DPF3: variants seen among roughly 807,000 people sequenced by gnomAD.
DPF3 encodes the protein zinc finger protein DPF3.
A neutral mutation model predicts 56.8 loss-of-function variants in DPF3; 18 were observed. The observed-to-expected ratio is 0.32, with a 90% CI of 0.22 to 0.47. The LOEUF is 0.47. Among genes scored for constraint, DPF3 ranks in the 20% least tolerant of loss-of-function variants. DPF3 has a pLI of 1.00. For synonymous variants in DPF3, 188 were observed against 180.2 expected, an observed-to-expected ratio of 1.04 and a Z score of -0.35; for missense variants, 403 against 488.8, an observed-to-expected ratio of 0.82 and a Z score of 1.65.
intron 2 of DPF3, among the ~76,000 whole-genome samples, chr14:72,769,055 C>T (rs1181145555): frequency 1.3e-5 from 2 of 151,218 alleles, no homozygotes; most frequent in Non-Finnish European, 2.9e-5. Context: ...AATTAAGATA[C>T]TTAAGTAAAA....
chr14:72,876,547 C>T (rs1599518224), intron 1 of DPF3, among the ~76,000 whole-genome samples: 1 of 152,204 alleles, frequency 6.6e-6, no homozygotes, highest in African/African-American at 2.4e-5. Context: ...CCCCCACCTA[C>T]TCCCAACCAG....
chr14:72,889,721 G>A (rs1247085341), intron 1 of DPF3, among the ~76,000 whole-genome samples: 1 of 152,188 alleles, frequency 6.6e-6, no homozygotes, highest in Non-Finnish European at 1.5e-5. Context: ...TGCACAAAGA[G>A]ATCTAGATTT....
In DPF3 at chr14:72,671,060, A is replaced by AT. The variant is rs1309953223; in HGVS notation, c.871+3179_871+3180insA. The AT allele has an allele frequency of 1.4e-5, 22 of 1,528,572 alleles. No homozygotes were observed. The Admixed American group carries it at 2.6e-4, about 18-fold the overall frequency. 94.7% of individuals were successfully genotyped at this position (1,528,572 alleles called of 1,614,324 possible). A position where few individuals can be genotyped will look rare whatever the true frequency, so the allele number is the denominator to read the frequency against. On this transcript the variant is annotated intron_variant, in intron 8 of 10. Coordinates refer to ENST00000556509, the MANE Select transcript of DPF3 (RefSeq NM_001280542.3). Reference sequence around the variant, plus strand: ...TCTAAAGTTGCCTTTCATTAAAAAAAATATATATCAGAACCAGCACAATGA... The same window carrying AT: ...TCTAAAGTTGCCTTTCATTAAAAAAATATATATATCAGAACCAGCACAATGA...
intron 1 of DPF3, among the ~76,000 whole-genome samples, chr14:72,871,172 C>A (rs2140111441): frequency 6.6e-6 from 1 of 152,304 alleles, no homozygotes; most frequent in South Asian, 2.1e-4. Context: ...CCTCTGGGTA[C>A]CTCCCACAAC....
chr14:72,701,642 C>A (rs976089487), intron 6 of DPF3, among the ~76,000 whole-genome samples: 2 of 152,194 alleles, frequency 1.3e-5, no homozygotes, highest in African/African-American at 4.8e-5. Context: ...CGGGGAGAAG[C>A]GGCTGCCTTC....
intron 1 of DPF3, among the ~76,000 whole-genome samples, chr14:72,872,059 G>A (rs1430645708): frequency 6.6e-6 from 1 of 152,194 alleles, no homozygotes; most frequent in African/African-American, 2.4e-5. Flanking sequence ...TGCACCCTCA[G>A]GCTCAACACC....
At chr14:72,754,624 A>G (rs948049428) in intron 2 of DPF3, among the ~76,000 whole-genome samples, 2 of 152,254 alleles carry the variant, frequency 1.3e-5, no homozygotes, top group South Asian at 4.1e-4. Flanking sequence ...AGAAAACATC[A>G]GCACCTGATT....
rs924779515 is a variant in DPF3, at chr14:72,613,747, C to T, written c.*5550G>A. Among the ~76,000 whole-genome samples the T allele has an allele frequency of 1.3e-5, 2 of 152,166 alleles. No individual in the cohort carries two copies. Among genetic ancestry groups the T allele is most frequent in the African/African-American group, 2.4e-5 (1 of 41,436 alleles). On this transcript the variant is annotated 3_prime_UTR_variant, in exon 11 of 11. Coordinates refer to ENST00000556509, the MANE Select transcript of DPF3 (RefSeq NM_001280542.3). ...ACCCATGGTACGGAACTGGCAAGCC[C>T]GGACCCCTCCTCCTCAGAGTTTCCT...
chr14:72,772,035 G>T, intron 1 of DPF3, 142 bp from the exon 2 acceptor site: 1 of 943,066 alleles, frequency 1.1e-6, no homozygotes, highest in Non-Finnish European at 1.4e-6. Flanking sequence ...AGCACCAAGA[G>T]CCTTGCCAAT....
At chr14:72,804,168 A>C (rs1892994554) in intron 1 of DPF3, among the ~76,000 whole-genome samples, 1 of 146,638 alleles carries the variant, frequency 6.8e-6, no homozygotes, top group South Asian at 2.2e-4. Flanking sequence ...AAGATCCAGC[A>C]CTGCTTTCCA....
chr14:72,676,431 A>G (rs1194708401), intron 7 of DPF3, among the ~76,000 whole-genome samples: 1 of 152,192 alleles, frequency 6.6e-6, no homozygotes, highest in Admixed American at 6.5e-5. Context: ...TCTCCAACAC[A>G]CTGTCTCCCT....
intron 8 of DPF3, among the ~76,000 whole-genome samples, chr14:72,640,081 TGGAAACAGCATTACAG>T (rs141741789): frequency 0.12 from 7,342 of 61,438 alleles, 268 homozygotes; most frequent in Middle Eastern, 0.23. Context: ...AAAAAAAAAA[TGGAAACAGCATTACAG>T]GGAAAGGCAA....
At chr14:72,800,080 T>C (rs1332848988) in intron 1 of DPF3, among the ~76,000 whole-genome samples, 2 of 152,166 alleles carry the variant, frequency 1.3e-5, no homozygotes, top group African/African-American at 2.4e-5. Flanking sequence ...ATCCCACCAT[T>C]TGATGTTACC....
At chr14:72,620,867 G>A (rs562253997) in intron 9 of DPF3, among the ~76,000 whole-genome samples, 41 of 152,334 alleles carry the variant, frequency 2.7e-4, no homozygotes, top group African/African-American at 8.7e-4. Context: ...TTGGCTGGGC[G>A]CTGTGGCGCA....
At chr14:72,835,513 A>G (rs1238714270) in intron 1 of DPF3, among the ~76,000 whole-genome samples, 4 of 152,224 alleles carry the variant, frequency 2.6e-5, no homozygotes, top group East Asian at 1.9e-4. Flanking sequence ...GAAAAATTCA[A>G]TCATCCTTTA....
chr14:72,824,874 C>T (rs1465707010), intron 1 of DPF3, among the ~76,000 whole-genome samples: 3 of 151,400 alleles, frequency 2.0e-5, no homozygotes, highest in Admixed American at 6.6e-5. Context: ...GACCAGCCTA[C>T]GCTTTCCTAT....
chr14:72,817,389 G>A (rs941652504), intron 1 of DPF3, among the ~76,000 whole-genome samples: 2 of 152,158 alleles, frequency 1.3e-5, no homozygotes, highest in Non-Finnish European at 2.9e-5. Flanking sequence ...GGGCACGGTG[G>A]CTCACACCTG....
intron 1 of DPF3, among the ~76,000 whole-genome samples, chr14:72,842,298 C>T (rs897368110): frequency 3.9e-5 from 6 of 152,084 alleles, no homozygotes; most frequent in Admixed American, 2.6e-4. Flanking sequence ...AGCACCACTA[C>T]TCATGGAAGA....
chr14:72,881,730 G>A (rs574934691), intron 1 of DPF3, among the ~76,000 whole-genome samples: 21 of 152,222 alleles, frequency 1.4e-4, no homozygotes, highest in African/African-American at 4.3e-4. Flanking sequence ...CTGCTGAGCC[G>A]GCCAGCCCTG....
Sources: allele counts gnomAD v4.1 joint callset (sites outside exome capture counted in the v4.1 genomes callset), GRCh38; gene constraint gnomAD v4.1.1; transcripts MANE v1.5; gene names NCBI Gene and HGNC (gene_info 2026-07-23, HGNC 2026-07-21).